Variants in SNCG observed in about 807,000 individuals in gnomAD.
The protein encoded by SNCG is synuclein gamma.
In SNCG, 13 loss-of-function variants were observed where a neutral mutation model predicts 16.0. The ratio of observed to expected loss-of-function variants is 0.81; its 90% CI spans 0.53 to 1.29. The LOEUF (loss-of-function observed/expected upper bound fraction) is 1.29. Ranked by LOEUF, SNCG falls within the 50% of genes most tolerant of loss-of-function variation. The pLI is 0.00. For synonymous variants in SNCG, 66 were observed against 66.3 expected (o/e 1.00, Z 0.02); for missense variants, 154 against 168.5 (o/e 0.91, Z 0.48).
chr10:86,959,268 C>T lies in SNCG; in HGVS notation c.122-365C>T. 1 of 415,564 alleles carries T rather than the reference C, an allele frequency of 2.4e-6. No homozygotes were observed. The allele number at this position is 415,564 out of a possible 1,614,324, so 25.7% of individuals were successfully genotyped here. On this transcript the variant is annotated intron_variant, in intron 1 of 4. Transcript: ENST00000372017. The surrounding 1 kb of genome is among the most constrained non-coding windows in gnomAD (Gnocchi z 4.3). The stretch of plus-strand genomic sequence containing the variant: ...CTCAGTGTTCCCTCCCCCGCATCCT[C>T]TCCTGGCACTCTCCAGAGGAGGAAG...
intron 3 of SNCG, among the ~76,000 whole-genome samples, chr10:86,960,790 G>T (rs1386781732): frequency 6.6e-6 from 1 of 152,274 alleles, no homozygotes; most frequent in East Asian, 1.9e-4. Flanking sequence ...CCCCAGGGAC[G>T]GGTGTTGGCT....
rs748442264 is a variant in SNCG at position 86,959,724 on chromosome 10, C to G, written c.163+50C>G. ...CACATGGGGGATAGGACCCCTGGGG[C>G]TCCTGCATCCTAGTGCTGGGGCTCA... On this transcript the variant is annotated intron_variant, in intron 2 of 4. Transcript: ENST00000372017. The surrounding 1 kb of genome is among the most constrained non-coding windows in gnomAD (Gnocchi z 4.3). The G allele has an allele frequency of 6.6e-7, 1 of 1,517,510 alleles. No homozygotes were observed. Among genetic ancestry groups the G allele is most frequent in the Non-Finnish European group, 9.0e-7 (1 of 1,116,798 alleles). The allele number at this position is 1,517,510 out of a possible 1,614,324, so 94.0% of individuals were successfully genotyped here.
chr10:86,963,011 C>T lies in SNCG; in HGVS notation c.*26C>T, dbSNP rs766747178. The T allele has an allele frequency of 6.3e-7, 1 of 1,595,304 alleles. No individual in the cohort carries two copies. Among genetic ancestry groups the T allele is most frequent in the Admixed American group, 1.8e-5 (1 of 56,896 alleles). ...AGGGCTACAGGCCAGCGTGGATGAC[C>T]TGAAGAGCGCTCCTCTGCCTTGGAC... On this transcript the variant is annotated 3_prime_UTR_variant, in exon 5 of 5. Coordinates refer to ENST00000372017, the MANE Select transcript of SNCG (RefSeq NM_003087.3).
rs1193737518 is a variant in SNCG at position 86,959,940 on chromosome 10, C to T, written c.164-61C>T. ...TCCTGGGAAGGGGCTGCGAGCCTGA[C>T]TCCAGCAGGCCTGCCTTGGGGCTGG... On this transcript the variant is annotated intron_variant, in intron 2 of 4. Transcript: ENST00000372017. This position sits in a 1 kb window ranked among gnomAD's most constrained non-coding sequence, Gnocchi z 4.3. 8 of 1,551,632 alleles carry T rather than the reference C, an allele frequency of 5.2e-6. No individual in the cohort carries two copies. In the Admixed American group the frequency reaches 1.4e-4, roughly 27 times the overall value.
At chr10:86,958,514 C>T (rs1045217381), upstream of SNCG, 1 of 1,190,678 alleles carries the variant, frequency 8.4e-7, no homozygotes, top group African/African-American at 1.6e-5. Context: ...CTCCCTCCCT[C>T]CCCGCCCCCA....
In SNCG at chr10:86,962,595, C is replaced by T. The variant is rs1204469131; in HGVS notation, c.292-9C>T. On this transcript the variant is annotated splice_polypyrimidine_tract_variant and intron_variant, in intron 3 of 4. Transcript: ENST00000372017. ...CACATGGTCTCATGCCCCCTTTTGT[C>T]CCCTACAGGAGGACTTGAGGCCATC... 1.2e-5 allele frequency: 19 copies of T among 1,606,586 alleles called. No individual in the cohort carries two copies. The highest frequency in any genetic ancestry group is 1.6e-5 in the Non-Finnish European group (19 of 1,174,896).
chr10:86,960,227 A>C, intron 3 of SNCG, 99 bp downstream of exon 3: 27 of 1,162,002 alleles, frequency 2.3e-5, no homozygotes, highest in Non-Finnish European at 3.3e-5. Context: ...AGGAAACAAC[A>C]CGGGGGGCTG....
At chr10:86,962,712 T>C in intron 4 of SNCG, 37 bp downstream of exon 4, 7 of 1,510,868 alleles carry the variant, frequency 4.6e-6, no homozygotes, top group Non-Finnish European at 5.5e-6. Context: ...CATGGGGGGT[T>C]CCTTGGTAGG....
At chr10:86,960,233 G>A (rs1246261776) in intron 3 of SNCG, 105 bp downstream of exon 3, 1 of 1,120,612 alleles carries the variant, frequency 8.9e-7, no homozygotes, top group South Asian at 1.6e-5. Context: ...CAACACGGGG[G>A]GCTGCGGCTG....
chr10:86,958,809 A>G lies in SNCG; in HGVS notation c.112A>G (p.Met38Val). Residue 38 changes from methionine to valine, a missense_variant, in exon 1 of 5, where the codon ATG (methionine) becomes GTG (valine). Met to Val is a conservative substitution (Grantham distance 21, BLOSUM62 1). Transcript: ENST00000372017. ...EAAEKTKEGV[M>V]YVGAKTKENV... ...AGCTGAGAAGACCAAGGAGGGGGTCATGTATGTGGGTAAGTGGGGCATGGC... is the reference window on the plus strand; with the variant it reads ...AGCTGAGAAGACCAAGGAGGGGGTCGTGTATGTGGGTAAGTGGGGCATGGC... The G allele has an allele frequency of 6.2e-7, 1 of 1,608,174 alleles. No individual in the cohort carries two copies. The highest frequency in any genetic ancestry group is 8.5e-7 in the Non-Finnish European group (1 of 1,176,950).
chr10:86,962,778 G>A (rs1844379195), intron 4 of SNCG, 103 bp downstream of exon 4: 2 of 1,192,348 alleles, frequency 1.7e-6, no homozygotes, highest in East Asian at 5.0e-5. Context: ...GGCCCAGAGG[G>A]GCCTCCTGAC....
At chr10:86,961,484 G>A (rs922726409) in intron 3 of SNCG, among the ~76,000 whole-genome samples, 3 of 152,086 alleles carry the variant, frequency 2.0e-5, no homozygotes, top group Admixed American at 1.3e-4. Flanking sequence ...AGAACACATA[G>A]AGCCCCAGGG....
chr10:86,961,249 C>T (rs1217669189), intron 3 of SNCG, among the ~76,000 whole-genome samples: 2 of 152,084 alleles, frequency 1.3e-5, no homozygotes, highest in African/African-American at 4.8e-5. Flanking sequence ...AGCTGGCAGC[C>T]GCTCCCTCTC....
At chr10:86,957,634 G>A, upstream of SNCG, 1 of 1,465,278 alleles carries the variant, frequency 6.8e-7, no homozygotes, top group Non-Finnish European at 9.1e-7. Context: ...ATCTCAGGAG[G>A]AAAAGAAAAT....
At chr10:86,958,172 G>A (rs1589310680), upstream of SNCG, 2 of 982,516 alleles carry the variant, frequency 2.0e-6, no homozygotes, top group Non-Finnish European at 2.4e-6. Context: ...CAGGCCGCGG[G>A]AGGTTGGCTG....
chr10:86,962,517 G>A, intron 3 of SNCG, 87 bp from the exon 4 acceptor site: 1 of 953,126 alleles, frequency 1.0e-6, no homozygotes, highest in Non-Finnish European at 1.6e-6. Context: ...CCTCCTTGAG[G>A]CCAGGGTAGA....
In SNCG at chr10:86,959,587, A is replaced by G. The variant is rs1345185452; in HGVS notation, c.122-46A>G. The G allele has an allele frequency of 2.5e-6, 4 of 1,589,618 alleles. No individual in the cohort carries two copies. The highest frequency in any genetic ancestry group is 1.1e-5 in the South Asian group (1 of 90,458). ...TGTTGTGTTTGTCCTGACCGCCCCC[A>G]ACACCTCGAGGGAGGTCTGGGCTGA... On this transcript the variant is annotated intron_variant, in intron 1 of 4. Transcript: ENST00000372017. This position sits in a 1 kb window ranked among gnomAD's most constrained non-coding sequence, Gnocchi z 4.3.
upstream of SNCG, chr10:86,958,411 G>T (rs1291431991): frequency 1.0e-6 from 1 of 985,296 alleles, no homozygotes; most frequent in Admixed American, 6.1e-5. Context: ...AGGGCACGGG[G>T]CAGGAGAGCT....
In SNCG at chr10:86,963,201, T is replaced by A. The variant is rs1802015; in HGVS notation, c.*216T>A. The A allele has an allele frequency of 0.095, 40,693 of 427,850 alleles. 2,729 individuals are homozygous for A. Among genetic ancestry groups the A allele is most frequent in the African/African-American group, 0.25 (11,951 of 48,328 alleles). 26.5% of individuals were successfully genotyped at this position (427,850 alleles called of 1,614,324 possible). On this transcript the variant is annotated 3_prime_UTR_variant, in exon 5 of 5. Coordinates refer to ENST00000372017, the MANE Select transcript of SNCG (RefSeq NM_003087.3). The stretch of plus-strand genomic sequence containing the variant: ...CACCCTCTGGTCCTTCTGACCCCAC[T>A]TATGCTGCTGTGAATTTTTTTTTTA...
Sources: allele counts gnomAD v4.1 joint callset (sites outside exome capture counted in the v4.1 genomes callset), GRCh38; gene constraint gnomAD v4.1.1; non-coding constraint Gnocchi (gnomAD v3.1); transcripts MANE v1.5; gene names NCBI Gene and HGNC (gene_info 2026-07-23, HGNC 2026-07-21).